RALYL: variants seen among roughly 807,000 people sequenced by gnomAD.
The protein encoded by RALYL is RALY RNA binding protein like, also known as RNA-binding Raly-like protein.
Under a neutral mutation model 35.1 loss-of-function variants are expected in RALYL, and 29 were observed. That is an observed-to-expected ratio of 0.83 (90% confidence interval 0.61 to 1.13). The LOEUF (loss-of-function observed/expected upper bound fraction) is 1.13. Among genes scored for constraint, RALYL ranks in the 50% most tolerant of loss-of-function variants. The pLI, the probability that RALYL is intolerant of heterozygous loss-of-function variation, is 0.00. For missense variants in RALYL, 359 were observed against 360.4 expected (o/e 1.00, Z 0.03); for synonymous variants, 120 against 127.6 (o/e 0.94, Z 0.40).
chr8:84,350,415 A>G (rs1850673869), intron 1 of RALYL, among the ~76,000 whole-genome samples: 1 of 150,740 alleles, frequency 6.6e-6, no homozygotes, highest in East Asian at 1.9e-4. Context: ...ATATTTGCCT[A>G]TGAATTTAGT....
chr8:84,372,626 C>T (rs1235736914), intron 1 of RALYL, among the ~76,000 whole-genome samples: 1 of 151,594 alleles, frequency 6.6e-6, no homozygotes, highest in African/African-American at 2.4e-5. Flanking sequence ...AGATTGTAGT[C>T]CCAGGAGGAT....
At chr8:84,615,447 C>T (rs1409926201) in intron 2 of RALYL, among the ~76,000 whole-genome samples, 1 of 148,784 alleles carries the variant, frequency 6.7e-6, no homozygotes, top group Non-Finnish European at 1.5e-5. Context: ...AAAAGAATGA[C>T]ACCTGCTTAA....
At position 84,354,398 on chromosome 8, in the gene RALYL, G is replaced by A. The variant is rs74694947; in HGVS notation, c.-24+169974G>A. ...TTTTTACTGGATGCTTTTGGTGTGT[G>A]ATGGGATTGGGATTAGACACCATAC... On this transcript the variant is annotated intron_variant, in intron 1 of 8. Coordinates refer to ENST00000521268, the MANE Select transcript of RALYL (RefSeq NM_173848.7). Among the ~76,000 whole-genome samples, 487 of 150,346 alleles carry A rather than the reference G, an allele frequency of 3.2e-3. 17 individuals carry two copies. The East Asian group carries it at 0.076, about 23-fold the overall frequency.
At chr8:84,414,007 A>G (rs1482090953) in intron 1 of RALYL, among the ~76,000 whole-genome samples, 1 of 152,090 alleles carries the variant, frequency 6.6e-6, no homozygotes, top group East Asian at 1.9e-4. Context: ...TAACCTCAGA[A>G]CTTTTTGTTG....
Position 84,545,719 on chromosome 8 carries a change from A to G in RALYL, c.256+16142A>G, listed in dbSNP as rs558530082. The stretch of plus-strand genomic sequence containing the variant: ...TCTCACATTATATCTTTTTTTCTTT[A>G]TATCTTACAACTGATTTTGTTTTCA... On this transcript the variant is annotated intron_variant, in intron 2 of 8. Transcript: ENST00000521268. 3.3e-5 allele frequency among the ~76,000 whole-genome samples: 5 copies of G among 151,898 alleles called. No homozygotes were observed. In the South Asian group the frequency reaches 1.0e-3, roughly 32 times the overall value.
At chr8:84,701,340 C>T (rs777377468) in intron 2 of RALYL, among the ~76,000 whole-genome samples, 2 of 152,074 alleles carry the variant, frequency 1.3e-5, no homozygotes, top group Non-Finnish European at 2.9e-5. Context: ...TGGTCTCTAT[C>T]GGACATCTGT....
intron 3 of RALYL, among the ~76,000 whole-genome samples, chr8:84,794,572 C>A (rs2133891864): frequency 6.6e-6 from 1 of 152,296 alleles, no homozygotes; most frequent in Non-Finnish European, 1.5e-5. Context: ...TTCAGAAAAT[C>A]ATTTTTCTTA....
chr8:84,563,168 T>C (rs1020436922), intron 2 of RALYL, among the ~76,000 whole-genome samples: 5 of 151,712 alleles, frequency 3.3e-5, no homozygotes, highest in African/African-American at 9.7e-5. Context: ...TCCTAAGTCC[T>C]TCAGTGAAGG....
At chr8:84,818,978 C>A (rs911572178) in intron 4 of RALYL, among the ~76,000 whole-genome samples, 8 of 152,016 alleles carry the variant, frequency 5.3e-5, no homozygotes, top group African/African-American at 1.9e-4. Context: ...GAAATTGTCC[C>A]CAAGCTTTAA....
At chr8:84,841,119 A>G (rs1339265208) in intron 4 of RALYL, among the ~76,000 whole-genome samples, 3 of 152,202 alleles carry the variant, frequency 2.0e-5, no homozygotes, top group African/African-American at 7.2e-5. Context: ...ACATAACAAT[A>G]CTAACCTTAA....
intron 6 of RALYL, among the ~76,000 whole-genome samples, chr8:84,864,017 G>GA (rs1159710844): frequency 6.6e-6 from 1 of 152,020 alleles, no homozygotes; most frequent in Non-Finnish European, 1.5e-5. Flanking sequence ...TCTTACATTG[G>GA]AAAAAATAAA....
Position 84,841,798 on chromosome 8 carries a change from C to T in RALYL, c.366-8182C>T, listed in dbSNP as rs1265356799. ...AGACCACAGTGCAATCAAACTAGAACTCAGGATTAAGAAACTCACTCAAAA... is the reference window on the plus strand; with the variant it reads ...AGACCACAGTGCAATCAAACTAGAATTCAGGATTAAGAAACTCACTCAAAA... On this transcript the variant is annotated intron_variant, in intron 4 of 8. Transcript: ENST00000521268. Among the ~76,000 whole-genome samples, 3 of 152,186 alleles carry T rather than the reference C, an allele frequency of 2.0e-5. No homozygotes were observed. In the East Asian group the frequency reaches 5.8e-4, roughly 29 times the overall value.
chr8:84,429,731 G>A (rs1449774922), intron 1 of RALYL, among the ~76,000 whole-genome samples: 1 of 151,920 alleles, frequency 6.6e-6, no homozygotes, highest in African/African-American at 2.4e-5. Flanking sequence ...GGGAATTGGA[G>A]GTGGTGTCTG....
intron 6 of RALYL, among the ~76,000 whole-genome samples, chr8:84,863,131 A>C (rs1163085527): frequency 6.6e-6 from 1 of 152,180 alleles, no homozygotes; most frequent in Non-Finnish European, 1.5e-5. Context: ...ATATTCCTTG[A>C]GATTGCCTTT....
intron 2 of RALYL, among the ~76,000 whole-genome samples, chr8:84,621,374 C>G (rs1366700885): frequency 6.6e-6 from 1 of 152,174 alleles, no homozygotes; most frequent in Non-Finnish European, 1.5e-5. Context: ...TGCCGGCTGT[C>G]CCCCCTTTCT....
chr8:84,209,125 C>CAAAAAAAAAAAAA (rs60246316), intron 1 of RALYL, among the ~76,000 whole-genome samples: 384 of 97,418 alleles, frequency 3.9e-3, no homozygotes, highest in Non-Finnish European at 5.1e-3. Context: ...ACTCCTCCAC[C>CAAAAAAAAAAAAA]AAAAAAAAAA....
chr8:84,654,280 T>TATAC (rs1829480281), intron 2 of RALYL, among the ~76,000 whole-genome samples: 1 of 91,232 alleles, frequency 1.1e-5, no homozygotes, highest in Non-Finnish European at 2.1e-5. Flanking sequence ...CATATATATA[T>TATAC]ATATATATAT....
chr8:84,351,586 A>T (rs760380596), intron 1 of RALYL, among the ~76,000 whole-genome samples: 1 of 148,022 alleles, frequency 6.8e-6, no homozygotes, highest in East Asian at 2.0e-4. Context: ...GGCCCATTTT[A>T]TCTTTGGACA....
chr8:84,679,828 C>T, intron 2 of RALYL: 1 of 422,224 alleles, frequency 2.4e-6, no homozygotes. Flanking sequence ...TCTAGAGGGT[C>T]AGACTCACAT....
Sources: allele counts gnomAD v4.1 joint callset (sites outside exome capture counted in the v4.1 genomes callset), GRCh38; gene constraint gnomAD v4.1.1; transcripts MANE v1.5; gene names NCBI Gene and HGNC (gene_info 2026-07-23, HGNC 2026-07-21).